ATG5: variants seen among roughly 807,000 people sequenced by gnomAD.
ATG5 encodes autophagy related 5.
In ATG5, 14 loss-of-function variants were observed where a neutral mutation model predicts 36.5. The ratio of observed to expected loss-of-function variants is 0.38; its 90% CI spans 0.25 to 0.60. The LOEUF (loss-of-function observed/expected upper bound fraction) is 0.60, where lower values mean the gene tolerates loss of function less well. Ranked by LOEUF, ATG5 falls within the 20% of genes least tolerant of loss-of-function variation. The probability of loss-of-function intolerance (pLI) is 0.60; values close to 1 mark genes in which losing one functional copy is unlikely to be tolerated. For synonymous variants in ATG5, 95 were observed against 101.5 expected (o/e 0.94, Z 0.38); for missense variants, 195 against 326.7 (o/e 0.60, Z 3.11).
chr6:106,323,080 G>C (rs533294106), intron 1 of ATG5, among the ~76,000 whole-genome samples: 4 of 151,706 alleles, frequency 2.6e-5, no homozygotes, highest in Non-Finnish European at 5.9e-5. Context: ...CACCAGGCTC[G>C]GGTTTGTTTT....
At chr6:106,239,355 A>G (rs1253337183) in intron 6 of ATG5, among the ~76,000 whole-genome samples, 2 of 152,316 alleles carry the variant, frequency 1.3e-5, no homozygotes, top group African/African-American at 2.4e-5. Context: ...ATAAAAAGAA[A>G]TATCATGTTC....
chr6:106,305,122 C>T (rs546317338), intron 3 of ATG5, among the ~76,000 whole-genome samples: 20 of 151,606 alleles, frequency 1.3e-4, no homozygotes, highest in African/African-American at 3.9e-4. Flanking sequence ...AATTTTATTC[C>T]ACATTAATTA....
chr6:106,260,092 C>T (rs557305883), intron 5 of ATG5, among the ~76,000 whole-genome samples: 2 of 152,216 alleles, frequency 1.3e-5, no homozygotes, highest in East Asian at 3.9e-4. Context: ...GAACATCACA[C>T]ACTGAGGCCT....
At chr6:106,270,535 T>C (rs1779416857) in intron 5 of ATG5, among the ~76,000 whole-genome samples, 1 of 152,196 alleles carries the variant, frequency 6.6e-6, no homozygotes, top group South Asian at 2.1e-4. Flanking sequence ...CTGTGACACA[T>C]TCACTGCCAT....
At position 106,263,386 on chromosome 6, in the gene ATG5, C is replaced by A. The variant is rs2114557678; in HGVS notation, c.479-15142G>T. Reference sequence around the variant, plus strand: ...ACCCCCATCTCCCTGGGACACAGCACCTGGGGGAAGGGGCGGCTGTGGGTG... The same window carrying A: ...ACCCCCATCTCCCTGGGACACAGCAACTGGGGGAAGGGGCGGCTGTGGGTG... On this transcript the variant is annotated intron_variant, in intron 5 of 7. Transcript: ENST00000369076. Among the ~76,000 whole-genome samples the A allele has an allele frequency of 1.3e-5, 2 of 152,350 alleles. 1 individual carries two copies. The highest frequency in any genetic ancestry group is 4.1e-4 in the South Asian group (2 of 4,828).
In ATG5 at chr6:106,268,143, G is replaced by A. The variant is rs184391849; in HGVS notation, c.478+11518C>T. Among the ~76,000 whole-genome samples, 8 of 152,122 alleles carry A rather than the reference G, an allele frequency of 5.3e-5. No individual in the cohort carries two copies. The East Asian group carries it at 1.4e-3, about 26-fold the overall frequency. On this transcript the variant is annotated intron_variant, in intron 5 of 7. Coordinates refer to ENST00000369076, the MANE Select transcript of ATG5 (RefSeq NM_004849.4). Reference sequence around the variant, plus strand: ...TTCTGCAATCTACCTATCAGACAAAGGTCTAATATCTAGAATCTACAAGGA... The same window carrying A: ...TTCTGCAATCTACCTATCAGACAAAAGTCTAATATCTAGAATCTACAAGGA...
intron 6 of ATG5, among the ~76,000 whole-genome samples, chr6:106,239,393 A>T (rs1447839481): frequency 6.6e-6 from 1 of 152,190 alleles, no homozygotes; most frequent in African/African-American, 2.4e-5. Context: ...ATATCATAAG[A>T]AAGTGAATTA....
intron 6 of ATG5, among the ~76,000 whole-genome samples, chr6:106,240,078 A>G (rs1465625326): frequency 6.6e-6 from 1 of 151,896 alleles, no homozygotes; most frequent in East Asian, 1.9e-4. Flanking sequence ...CTGCAGCCTC[A>G]ACCTCCCAGG....
chr6:106,319,754 T>C (rs529619291), intron 1 of ATG5, among the ~76,000 whole-genome samples: 4 of 152,344 alleles, frequency 2.6e-5, no homozygotes, highest in Middle Eastern at 3.4e-3. Flanking sequence ...ATAGATTCCG[T>C]TAGGGAGAAG....
intron 5 of ATG5, among the ~76,000 whole-genome samples, chr6:106,249,140 C>G (rs554737234): frequency 6.6e-6 from 1 of 152,210 alleles, no homozygotes; most frequent in East Asian, 1.9e-4. Flanking sequence ...ATATAATTTG[C>G]ATACCATAAA....
chr6:106,273,314 CTA>C lies in ATG5; in HGVS notation c.478+6345_478+6346del, dbSNP rs374287964. The stretch of plus-strand genomic sequence containing the variant: ...TCTTGTTTCTGTTTTAGTAGTTTTT[CTA>C]TGTTACCACAGTTATTTCTGGAAAG... On this transcript the variant is annotated intron_variant, in intron 5 of 7. Transcript: ENST00000369076. Among the ~76,000 whole-genome samples, 18 of 152,286 alleles carry C rather than the reference CTA, an allele frequency of 1.2e-4. No individual in the cohort carries two copies. In the East Asian group the frequency reaches 3.5e-3, roughly 29 times the overall value.
At chr6:106,257,707 A>G (rs1778853382) in intron 5 of ATG5, among the ~76,000 whole-genome samples, 1 of 152,214 alleles carries the variant, frequency 6.6e-6, no homozygotes, top group South Asian at 2.1e-4. Context: ...TATCACAGGA[A>G]TTTAGTAAGC....
intron 5 of ATG5, among the ~76,000 whole-genome samples, chr6:106,269,680 G>A (rs1332375709): frequency 6.6e-6 from 1 of 152,206 alleles, no homozygotes; most frequent in Non-Finnish European, 1.5e-5. Context: ...GGGCCGGCAG[G>A]GCCGGCCGGC....
rs1365555397 is a variant in ATG5, at chr6:106,308,396, T to C, written c.204A>G (p.Ile68Met). Residue 68 changes from isoleucine (I) to methionine (M), a missense_variant, in exon 3 of 8, where the codon ATA becomes ATG. Coordinates refer to ENST00000369076, the MANE Select transcript of ATG5 (RefSeq NM_004849.4). Reference sequence around the variant, plus strand: ...GTGGTGTGCCTTCATATTCAAACCATATCTCACTAATGTCTTCTTGTCTCA... The same window carrying C: ...GTGGTGTGCCTTCATATTCAAACCACATCTCACTAATGTCTTCTTGTCTCA... ...KVMRQEDISE[I>M]WFEYEGTPLK... 1 of 1,591,336 alleles carries C rather than the reference T, an allele frequency of 6.3e-7. No homozygotes were observed. The highest frequency in any genetic ancestry group is 1.2e-5 in the South Asian group (1 of 86,324).
intron 6 of ATG5, among the ~76,000 whole-genome samples, chr6:106,242,030 A>G (rs538139144): frequency 1.3e-4 from 20 of 152,218 alleles, no homozygotes; most frequent in African/African-American, 4.8e-4. Context: ...GGTGGAAGCA[A>G]CTCCAGCAGA....
chr6:106,308,340 A>G (rs1212371951), intron 3 of ATG5, 24 bp downstream of exon 3: 1 of 1,541,928 alleles, frequency 6.5e-7, no homozygotes, highest in African/African-American at 1.4e-5. Context: ...CTTAATGCTT[A>G]ATAATGCAGA....
chr6:106,246,218 AAGTGCCTTGACACATTAAAGATC>A (rs1778322845), intron 6 of ATG5, among the ~76,000 whole-genome samples: 1 of 152,210 alleles, frequency 6.6e-6, no homozygotes, highest in East Asian at 1.9e-4. Flanking sequence ...AAAACTGCCC[AAGTGCCTTGACACATTAAAGATC>A]AAGCAGGAGG....
intron 3 of ATG5, among the ~76,000 whole-genome samples, chr6:106,297,349 GA>G (rs1178264431): frequency 6.6e-6 from 1 of 151,974 alleles, no homozygotes; most frequent in Admixed American, 6.6e-5. Flanking sequence ...ACATAGAAAT[GA>G]AAAAAAGTAC....
intron 5 of ATG5, among the ~76,000 whole-genome samples, chr6:106,267,557 G>C (rs190831357): frequency 6.6e-6 from 1 of 152,296 alleles, no homozygotes; most frequent in Admixed American, 6.5e-5. Context: ...AAAGAACGAA[G>C]CTGGAGGCAT....
Sources: allele counts gnomAD v4.1 joint callset (sites outside exome capture counted in the v4.1 genomes callset), GRCh38; gene constraint gnomAD v4.1.1; transcripts MANE v1.5; gene names NCBI Gene and HGNC (gene_info 2026-07-23, HGNC 2026-07-21).